Variants in ANKS1B observed in about 807,000 individuals in gnomAD.
ANKS1B encodes the protein ankyrin repeat and sterile alpha motif domain containing 1B.
Under a neutral mutation model 148.3 loss-of-function variants are expected in ANKS1B, and 36 were observed. The ratio of observed to expected loss-of-function variants is 0.24; its 90% confidence interval spans 0.19 to 0.32. The LOEUF (loss-of-function observed/expected upper bound fraction) is 0.32, where lower values mean the gene tolerates loss of function less well. ANKS1B is among the 10% of genes least tolerant of loss of function. ANKS1B has a pLI of 1.00. For synonymous variants in ANKS1B, 542 were observed against 560.8 expected (o/e 0.97, Z 0.47); for missense variants, 1,157 against 1,542.6 (o/e 0.75, Z 4.19).
chr12:99,222,261 G>A (rs969672248), intron 14 of ANKS1B, among the ~76,000 whole-genome samples: 8 of 152,112 alleles, frequency 5.3e-5, no homozygotes, highest in Admixed American at 2.6e-4. Context: ...TGAGGTAATA[G>A]GTATTATAGG....
chr12:98,768,463 G>A (rs1020307635), intron 25 of ANKS1B, among the ~76,000 whole-genome samples: 2 of 148,644 alleles, frequency 1.3e-5, no homozygotes, highest in South Asian at 2.1e-4. Flanking sequence ...GGCCGGGCAC[G>A]GTGGCTCATG....
rs55904412 is a variant in ANKS1B, at chr12:99,744,991, C to CAAAAA, written c.1128+27926_1128+27930dup. 7.5e-3 allele frequency among the ~76,000 whole-genome samples: 388 copies of CAAAAA among 52,078 alleles called. 59 individuals carry two copies. Among genetic ancestry groups the CAAAAA allele is most frequent in the African/African-American group, 0.028 (321 of 11,342 alleles). 34.2% of individuals were successfully genotyped at this position (52,078 alleles called of 152,430 possible). On this transcript the variant is annotated intron_variant, in intron 8 of 26. Coordinates refer to ENST00000683438, the MANE Select transcript of ANKS1B (RefSeq NM_001352186.2). ...TAGGTGACAGAGTGAGACTCTGTCT[C>CAAAAA]AAAAAAAAAAAAAAAAAAAAAAAAA... is the stretch of plus-strand genomic sequence containing the variant.
At chr12:99,353,852 T>C (rs2091706150) in intron 12 of ANKS1B, among the ~76,000 whole-genome samples, 1 of 152,072 alleles carries the variant, frequency 6.6e-6, no homozygotes, top group South Asian at 2.1e-4. Flanking sequence ...GAGAGCCTGC[T>C]CTTCTTTCTA....
intron 16 of ANKS1B, among the ~76,000 whole-genome samples, chr12:99,077,912 C>G (rs1347844990): frequency 6.6e-6 from 1 of 152,162 alleles, no homozygotes; most frequent in East Asian, 1.9e-4. Flanking sequence ...TAGAGTGATT[C>G]TCTTCATCTA....
chr12:99,355,684 C>A (rs2091908923), intron 12 of ANKS1B, among the ~76,000 whole-genome samples: 1 of 152,130 alleles, frequency 6.6e-6, no homozygotes, highest in Non-Finnish European at 1.5e-5. Context: ...ACTCTGCTTT[C>A]ATGCTGTTTG....
At chr12:99,185,564 G>A (rs866830416) in intron 14 of ANKS1B, among the ~76,000 whole-genome samples, 11 of 152,254 alleles carry the variant, frequency 7.2e-5, no homozygotes, top group South Asian at 6.2e-4. Context: ...TCATTGGGAC[G>A]GTTAGACAGT....
At chr12:99,749,513 C>T (rs1398669243) in intron 8 of ANKS1B, among the ~76,000 whole-genome samples, 1 of 152,016 alleles carries the variant, frequency 6.6e-6, no homozygotes, top group Non-Finnish European at 1.5e-5. Flanking sequence ...TCCTTTTCTG[C>T]ATAAATCAGT....
intron 17 of ANKS1B, among the ~76,000 whole-genome samples, chr12:98,919,804 G>T (rs1034548346): frequency 4.5e-4 from 68 of 152,056 alleles, no homozygotes; most frequent in African/African-American, 1.6e-3. Flanking sequence ...AAGTACTTCG[G>T]CTATATTTCC....
chr12:99,461,838 T>A (rs1352948596), intron 10 of ANKS1B, among the ~76,000 whole-genome samples: 1 of 152,232 alleles, frequency 6.6e-6, no homozygotes, highest in African/African-American at 2.4e-5. Context: ...TATTTCATTA[T>A]GAACAGCAAC....
chr12:99,280,870 G>GTC lies in ANKS1B; in HGVS notation c.1757-34008_1757-34007dup, dbSNP rs543317899. ...TCTCTCTCTCTCTCTCTCTCTGTCT[G>GTC]TCTCTCTCTCTCTCTCACACACACA... On this transcript the variant is annotated intron_variant, in intron 12 of 26. Transcript: ENST00000683438. Among the ~76,000 whole-genome samples, 1,038 of 145,492 alleles carry GTC rather than the reference G, an allele frequency of 7.1e-3. 14 individuals carry two copies. The highest frequency in any genetic ancestry group is 0.025 in the African/African-American group (971 of 38,414).
chr12:99,671,501 C>T (rs985402821), intron 8 of ANKS1B, among the ~76,000 whole-genome samples: 8 of 152,006 alleles, frequency 5.3e-5, no homozygotes, highest in Non-Finnish European at 1.5e-5. Context: ...TATTCCCTGT[C>T]TTTTCTCATC....
intron 11 of ANKS1B, among the ~76,000 whole-genome samples, chr12:99,416,348 A>T (rs1261550896): frequency 4.6e-5 from 7 of 152,298 alleles, no homozygotes; most frequent in Non-Finnish European, 1.0e-4. Context: ...ACATGTTTTC[A>T]TTTATCTGGG....
intron 15 of ANKS1B, among the ~76,000 whole-genome samples, chr12:99,104,211 A>C (rs912734433): frequency 4.6e-5 from 7 of 152,108 alleles, no homozygotes; most frequent in Admixed American, 3.9e-4. Context: ...GATAATAAAG[A>C]TCAAGTGAGG....
chr12:99,639,074 C>T (rs1205349377), intron 9 of ANKS1B, among the ~76,000 whole-genome samples: 2 of 151,908 alleles, frequency 1.3e-5, no homozygotes, highest in African/African-American at 4.8e-5. Context: ...GGGCAGAGTC[C>T]TCATGGAGAA....
chr12:99,562,691 T>C (rs1324326400), intron 9 of ANKS1B, among the ~76,000 whole-genome samples: 1 of 152,156 alleles, frequency 6.6e-6, no homozygotes, highest in Non-Finnish European at 1.5e-5. Context: ...AAAAGCCTCT[T>C]ATAAAACCAT....
intron 15 of ANKS1B, among the ~76,000 whole-genome samples, chr12:99,115,929 T>A (rs1201243138): frequency 1.7e-5 from 2 of 120,098 alleles, no homozygotes; most frequent in Non-Finnish European, 3.3e-5. Context: ...CGAGACTCCG[T>A]CTCAAAAAAA....
intron 10 of ANKS1B, among the ~76,000 whole-genome samples, chr12:99,449,046 GGCT>G (rs1300709848): frequency 2.0e-5 from 3 of 151,994 alleles, no homozygotes; most frequent in Non-Finnish European, 2.9e-5. Flanking sequence ...GCTGTGTCAA[GGCT>G]GCTATCAAAC....
At chr12:98,780,937 AGG>A (rs72170393) in intron 24 of ANKS1B, among the ~76,000 whole-genome samples, 178 bp downstream of exon 24, 23,906 of 151,916 alleles carry the variant, frequency 0.16, 2,988 homozygotes, top group African/African-American at 0.36. Flanking sequence ...GTATGTATGA[AGG>A]TGTGTATGTG....
chr12:99,068,566 G>A (rs544229761), intron 16 of ANKS1B, among the ~76,000 whole-genome samples: 2 of 152,288 alleles, frequency 1.3e-5, no homozygotes, highest in South Asian at 4.1e-4. Flanking sequence ...AAAAATGCTA[G>A]AGTGGATTGG....
Sources: gnomAD v4.1 joint callset for allele counts (sites outside exome capture counted in the v4.1 genomes callset) on GRCh38, gnomAD v4.1.1 for gene constraint, MANE v1.5 for transcripts, NCBI Gene and HGNC (gene_info 2026-07-23, HGNC 2026-07-21) for gene names.